Variants in GLRA3 observed in about 807,000 individuals in gnomAD.
GLRA3 encodes glycine receptor subunit alpha-3.
GLRA3 carries 44 observed loss-of-function variants against 60.4 expected under a neutral mutation model. The observed-to-expected ratio is 0.73, with a 90% CI of 0.57 to 0.94. The LOEUF is 0.94. Among genes scored for constraint, GLRA3 ranks in the 40% least tolerant of loss-of-function variants. The pLI, the probability that GLRA3 is intolerant of heterozygous loss-of-function variation, is 0.00. For missense variants in GLRA3, 508 were observed against 564.6 expected (o/e 0.90, Z 1.02); for synonymous variants, 223 against 192.9 (o/e 1.16, Z -1.29).
chr4:174,766,601 A>G (rs1738150439), intron 3 of GLRA3, among the ~76,000 whole-genome samples: 2 of 152,096 alleles, frequency 1.3e-5, no homozygotes, highest in Non-Finnish European at 2.9e-5. Flanking sequence ...ATTATAAACA[A>G]ATTTGTAAGT....
At chr4:174,757,345 T>C (rs1737760572) in intron 3 of GLRA3, among the ~76,000 whole-genome samples, 1 of 152,126 alleles carries the variant, frequency 6.6e-6, no homozygotes, top group Non-Finnish European at 1.5e-5. Context: ...GAAACCTCTG[T>C]AGCAATGAAC....
intron 2 of GLRA3, among the ~76,000 whole-genome samples, chr4:174,772,421 G>A (rs6846497): frequency 0.75 from 113,598 of 152,020 alleles, 42,803 homozygotes; most frequent in East Asian, 1. Flanking sequence ...TTGATTGGAT[G>A]TTAGAACATA....
chr4:174,756,652 T>TTA, intron 3 of GLRA3, among the ~76,000 whole-genome samples: 1 of 150,286 alleles, frequency 6.7e-6, no homozygotes, highest in East Asian at 1.9e-4. Flanking sequence ...TTTTTTTCTT[T>TTA]TTTTTTTTTT....
intron 9 of GLRA3, among the ~76,000 whole-genome samples, chr4:174,650,097 G>T (rs1391128516): frequency 9.2e-5 from 14 of 152,062 alleles, no homozygotes; most frequent in African/African-American, 3.4e-4. Context: ...AAGGTGCAAG[G>T]TCCAGCCCCA....
chr4:174,691,979 A>T (rs1459297803), intron 5 of GLRA3, among the ~76,000 whole-genome samples: 3 of 150,694 alleles, frequency 2.0e-5, no homozygotes, highest in African/African-American at 7.4e-5. Context: ...ATCGTCTGAG[A>T]TAAGGGGAGC....
At chr4:174,680,747 A>G (rs1489163656) in intron 6 of GLRA3, among the ~76,000 whole-genome samples, 1 of 152,214 alleles carries the variant, frequency 6.6e-6, no homozygotes, top group Admixed American at 6.5e-5. Context: ...GATAGTGAAA[A>G]TAAAACTGAA....
chr4:174,802,287 C>T (rs974453141), intron 1 of GLRA3, among the ~76,000 whole-genome samples: 1 of 151,994 alleles, frequency 6.6e-6, no homozygotes, highest in Admixed American at 6.6e-5. Flanking sequence ...AATTGCTCCT[C>T]CTGGTCTTAA....
At chr4:174,774,156 C>T (rs1334861430) in intron 2 of GLRA3, among the ~76,000 whole-genome samples, 1 of 151,900 alleles carries the variant, frequency 6.6e-6, no homozygotes, top group African/African-American at 2.4e-5. Context: ...GAAGTAGCAG[C>T]AAACAAGGGA....
intron 5 of GLRA3, among the ~76,000 whole-genome samples, chr4:174,688,386 T>C (rs1195150399): frequency 7.1e-6 from 1 of 141,636 alleles, no homozygotes; most frequent in African/African-American, 2.6e-5. Flanking sequence ...GTTTTGACAT[T>C]ATATATATTC....
chr4:174,733,641 C>T (rs563763789), intron 3 of GLRA3, among the ~76,000 whole-genome samples: 67 of 152,148 alleles, frequency 4.4e-4, no homozygotes, highest in Non-Finnish European at 7.2e-4. Flanking sequence ...ATTATTCAAA[C>T]GAGGCAACCT....
At chr4:174,737,538 C>G (rs1579530087) in intron 3 of GLRA3, among the ~76,000 whole-genome samples, 1 of 151,812 alleles carries the variant, frequency 6.6e-6, no homozygotes, top group Admixed American at 6.6e-5. Flanking sequence ...GTTGTTGAGA[C>G]AGTCTCTCTC....
chr4:174,826,393 T>C (rs1740968968), intron 1 of GLRA3, among the ~76,000 whole-genome samples: 1 of 152,160 alleles, frequency 6.6e-6, no homozygotes, highest in Non-Finnish European at 1.5e-5. Context: ...GGAGAGTGAT[T>C]ACCTTTGGCC....
At chr4:174,657,411 A>G (rs190157485) in intron 8 of GLRA3, among the ~76,000 whole-genome samples, 1 of 152,298 alleles carries the variant, frequency 6.6e-6, no homozygotes, top group African/African-American at 2.4e-5. Flanking sequence ...TCTAAATTGT[A>G]TAAGGAGAAG....
chr4:174,647,144 C>T (rs1020827784), intron 9 of GLRA3, among the ~76,000 whole-genome samples: 4 of 152,148 alleles, frequency 2.6e-5, no homozygotes, highest in East Asian at 1.9e-4. Flanking sequence ...CGGAGGCTCA[C>T]GCCCATAATC....
At chr4:174,825,908 C>A (rs755104881) in intron 1 of GLRA3, among the ~76,000 whole-genome samples, 1 of 152,030 alleles carries the variant, frequency 6.6e-6, no homozygotes, top group Admixed American at 6.6e-5. Context: ...TTGTATAGTA[C>A]GATAACATTA....
chr4:174,698,326 G>C (rs973624617), intron 5 of GLRA3, among the ~76,000 whole-genome samples: 2 of 152,064 alleles, frequency 1.3e-5, no homozygotes, highest in African/African-American at 4.8e-5. Flanking sequence ...CTACAGGCAG[G>C]TGTCACCATG....
chr4:174,656,476 T>G (rs1255728186), intron 9 of GLRA3, among the ~76,000 whole-genome samples: 1 of 152,124 alleles, frequency 6.6e-6, no homozygotes, highest in Non-Finnish European at 1.5e-5. Flanking sequence ...ACATATATTT[T>G]TAAATCATTT....
intron 1 of GLRA3, among the ~76,000 whole-genome samples, chr4:174,807,499 T>G (rs1477013806): frequency 6.6e-6 from 1 of 151,984 alleles, no homozygotes; most frequent in African/African-American, 2.4e-5. Flanking sequence ...TCCAGAAAAT[T>G]TTCAGAAATG....
At chr4:174,695,297 T>C (rs1035516448) in intron 5 of GLRA3, among the ~76,000 whole-genome samples, 1 of 151,946 alleles carries the variant, frequency 6.6e-6, no homozygotes, top group African/African-American at 2.4e-5. Flanking sequence ...AAAAGAAAAC[T>C]TCAGGCCAAT....
Sources: allele counts gnomAD v4.1 joint callset (sites outside exome capture counted in the v4.1 genomes callset), GRCh38; gene constraint gnomAD v4.1.1; transcripts MANE v1.5; gene names NCBI Gene and HGNC (gene_info 2026-07-23, HGNC 2026-07-21).